Variants in DMD observed in about 807,000 individuals in gnomAD.
DMD encodes dystrophin, also known as mutant dystrophin.
In DMD, 63 loss-of-function variants were observed where a neutral mutation model predicts 330.1. The observed-to-expected ratio is 0.19, with a 90% CI of 0.16 to 0.24. The LOEUF (loss-of-function observed/expected upper bound fraction) is 0.24, where lower values mean the gene tolerates loss of function less well. DMD is among the 10% of genes least tolerant of loss of function. The pLI, the probability that DMD is intolerant of heterozygous loss-of-function variation, is 1.00. For missense variants in DMD, 3,344 were observed against 2,684.1 expected (o/e 1.25, Z -5.43); for synonymous variants, 1,223 against 959.8 (o/e 1.27, Z -5.07).
intron 7 of DMD, among the ~76,000 whole-genome samples, chrX:32,802,575 C>A (rs2076656157): frequency 9.0e-6 from 1 of 111,543 alleles, no homozygotes; most frequent in Admixed American, 9.5e-5. Context: ...GGAGTGCTTC[C>A]AGCTTTTGCC....
chrX:33,285,061 A>T (rs2053411202), intron 1 of DMD, among the ~76,000 whole-genome samples: 1 of 111,539 alleles, frequency 9.0e-6, no homozygotes, highest in Admixed American at 9.5e-5. Flanking sequence ...GTAAGGACCT[A>T]AAACAGGAGA....
At chrX:33,128,078 C>CT in intron 1 of DMD, 1 of 1,183,166 alleles carries the variant, frequency 8.5e-7, no homozygotes, top group Non-Finnish European at 1.1e-6. Flanking sequence ...GGGAAGCCTG[C>CT]TTCTGAATGC....
At chrX:32,205,611 G>C (rs1423861749) in intron 44 of DMD, among the ~76,000 whole-genome samples, 2 of 111,613 alleles carry the variant, frequency 1.8e-5, no homozygotes, top group Non-Finnish European at 3.8e-5. Context: ...GCAAACCTTG[G>C]ATTATATGTG....
chrX:31,774,183 T>C lies in DMD; in HGVS notation c.7319A>G (p.Gln2440Arg). Residue 2440 changes from glutamine to arginine, a missense_variant, in exon 51 of 79, where the codon CAG becomes CGG. By Grantham distance (43) the Gln-to-Arg change is conservative (BLOSUM62 1). Coordinates refer to ENST00000357033, the MANE Select transcript of DMD (RefSeq NM_004006.3). ...GLTTIGASPT[Q>R]TVTLVTQPVV... The stretch of plus-strand genomic sequence containing the variant: ...AGGTTGTGTCACCAGAGTAACAGTC[T>C]GAGTAGGAGCTAAAATATTTTGGGT... 6 of 1,200,195 alleles carry C rather than the reference T, an allele frequency of 5.0e-6. No homozygotes were observed. Among genetic ancestry groups the C allele is most frequent in the Non-Finnish European group, 6.8e-6 (6 of 887,221 alleles).
At chrX:31,302,520 T>C (rs2054728578) in intron 62 of DMD, among the ~76,000 whole-genome samples, 1 of 110,953 alleles carries the variant, frequency 9.0e-6, no homozygotes, top group Non-Finnish European at 1.9e-5. Flanking sequence ...ATGGAAATGC[T>C]AGAAATTAAA....
intron 62 of DMD, among the ~76,000 whole-genome samples, chrX:31,319,129 C>G (rs1041604016): frequency 8.9e-5 from 10 of 111,859 alleles, no homozygotes; most frequent in African/African-American, 3.2e-4. Flanking sequence ...AGAGACAATG[C>G]TAACAAATTT....
chrX:31,468,005 G>A (rs1179764222), intron 59 of DMD, among the ~76,000 whole-genome samples: 1 of 111,544 alleles, frequency 9.0e-6, no homozygotes, highest in Non-Finnish European at 1.9e-5. Flanking sequence ...TGGGATGAGA[G>A]CTAATATCCC....
At chrX:32,419,218 G>C (rs187342523) in intron 29 of DMD, among the ~76,000 whole-genome samples, 71 of 111,369 alleles carry the variant, frequency 6.4e-4, no homozygotes, top group Non-Finnish European at 1.2e-3. Flanking sequence ...GAATTAAATG[G>C]AGATTAAGAG....
At chrX:32,588,303 T>A (rs1459220897) in intron 13 of DMD, among the ~76,000 whole-genome samples, 1 of 110,797 alleles carries the variant, frequency 9.0e-6, no homozygotes, top group East Asian at 2.8e-4. Flanking sequence ...AAAGAGGGAG[T>A]AGTCATCACT....
chrX:32,358,717 T>C (rs1486859421), intron 37 of DMD, among the ~76,000 whole-genome samples: 2 of 111,463 alleles, frequency 1.8e-5, no homozygotes, highest in Non-Finnish European at 3.8e-5. Flanking sequence ...GACACGATTT[T>C]CTGACTCCAG....
chrX:31,863,594 T>A (rs2093748497), intron 48 of DMD, among the ~76,000 whole-genome samples: 1 of 111,993 alleles, frequency 8.9e-6, no homozygotes, highest in African/African-American at 3.2e-5. Flanking sequence ...ATCCATCTCA[T>A]AATAGATTCA....
intron 9 of DMD, among the ~76,000 whole-genome samples, chrX:32,669,203 C>T (rs189439723): frequency 9.0e-6 from 1 of 111,360 alleles, no homozygotes; most frequent in African/African-American, 3.3e-5. Context: ...CCATAATCAG[C>T]CGTAATTCTA....
chrX:32,696,855 C>T (rs930383493), intron 9 of DMD, among the ~76,000 whole-genome samples: 1 of 110,996 alleles, frequency 9.0e-6, no homozygotes, highest in Non-Finnish European at 1.9e-5. Context: ...GAGAAGAGAG[C>T]TTTGCAAGTA....
chrX:32,275,880 A>AGAAAAGCACTGTCACCAGAACC (rs1316176437), intron 43 of DMD, among the ~76,000 whole-genome samples: 1 of 111,536 alleles, frequency 9.0e-6, no homozygotes, highest in African/African-American at 3.3e-5. Flanking sequence ...ATGAGCAGAC[A>AGAAAAGCACTGTCACCAGAACC]GAAAAGCACT....
intron 2 of DMD, among the ~76,000 whole-genome samples, chrX:32,904,616 C>T (rs1012673062): frequency 8.9e-6 from 1 of 111,946 alleles, no homozygotes; most frequent in Non-Finnish European, 1.9e-5. Context: ...GCTCTGTCAC[C>T]CAGGCTGGAG....
Position 32,590,275 on chromosome X carries a change from C to G in DMD, c.1602+5482G>C, listed in dbSNP as rs139223754. On this transcript the variant is annotated intron_variant, in intron 13 of 78. Transcript: ENST00000357033. ...TGCATGAGATAAGTGAGAAACCATA[C>G]CAGTGAGCATGGCCTCATGTTTAAT... Among the ~76,000 whole-genome samples, 71 of 112,272 alleles carry G rather than the reference C, an allele frequency of 6.3e-4. 1 individual carries two copies. In the East Asian group the frequency reaches 0.017, roughly 28 times the overall value.
At chrX:32,413,120 C>T (rs58067019) in intron 29 of DMD, among the ~76,000 whole-genome samples, 15,772 of 109,956 alleles carry the variant, frequency 0.14, 986 homozygotes, top group African/African-American at 0.21. Flanking sequence ...TCTACCCATA[C>T]CTTAACTTCA....
intron 60 of DMD, 38 bp from the exon 61 acceptor site, chrX:31,348,672 T>G: frequency 9.1e-7 from 1 of 1,097,905 alleles, no homozygotes; most frequent in Non-Finnish European, 1.3e-6. Flanking sequence ...TCTCTCATTC[T>G]ATATAATGAG....
At chrX:31,602,880 T>C (rs748913068) in intron 55 of DMD, among the ~76,000 whole-genome samples, 4 of 112,103 alleles carry the variant, frequency 3.6e-5, no homozygotes, top group Admixed American at 1.9e-4. Flanking sequence ...GAAGATTGAA[T>C]TATTGGCCTC....
Sources: gnomAD v4.1 joint callset for allele counts (sites outside exome capture counted in the v4.1 genomes callset) on GRCh38, gnomAD v4.1.1 for gene constraint, MANE v1.5 for transcripts, NCBI Gene and HGNC (gene_info 2026-07-23, HGNC 2026-07-21) for gene names.